CDC14A: variants seen among roughly 807,000 people sequenced by gnomAD.
The protein encoded by CDC14A is dual specificity protein phosphatase CDC14A.
Under a neutral mutation model 74.4 loss-of-function variants are expected in CDC14A, and 53 were observed. The ratio of observed to expected loss-of-function variants is 0.71; its 90% CI spans 0.57 to 0.89. The LOEUF (loss-of-function observed/expected upper bound fraction) is 0.89. CDC14A is among the 40% of genes least tolerant of loss of function. The pLI is 0.00. For missense variants in CDC14A, 646 were observed against 713.7 expected (o/e 0.91, Z 1.08); for synonymous variants, 247 against 258.4 (o/e 0.96, Z 0.43).
chr1:100,464,622 T>G (rs1177605003), intron 9 of CDC14A, among the ~76,000 whole-genome samples: 1 of 152,208 alleles, frequency 6.6e-6, no homozygotes, highest in Admixed American at 6.5e-5. Flanking sequence ...TTTCCTGAGA[T>G]TAATTTGGCC....
At chr1:100,449,715 T>C (rs1342970430) in intron 7 of CDC14A, among the ~76,000 whole-genome samples, 2 of 152,208 alleles carry the variant, frequency 1.3e-5, no homozygotes, top group Non-Finnish European at 2.9e-5. Flanking sequence ...CTTTGTCTTA[T>C]TCTTCTTTGT....
intron 15 of CDC14A, among the ~76,000 whole-genome samples, chr1:100,510,772 T>C (rs1394408613): frequency 6.6e-6 from 1 of 152,206 alleles, no homozygotes; most frequent in African/African-American, 2.4e-5. Flanking sequence ...CCATCTCAAA[T>C]GTGTTTCTAA....
intron 7 of CDC14A, 125 bp from the exon 8 acceptor site, chr1:100,455,278 CTA>C: frequency 1.6e-6 from 1 of 623,468 alleles, no homozygotes; most frequent in South Asian, 2.0e-5. Context: ...TTATTTTAAG[CTA>C]TGTTTGTCTA....
chr1:100,428,988 G>A (rs1424974006), intron 5 of CDC14A, among the ~76,000 whole-genome samples: 1 of 151,928 alleles, frequency 6.6e-6, no homozygotes, highest in Non-Finnish European at 1.5e-5. Flanking sequence ...ATCACTTGAG[G>A]TCAGGAGTTC....
chr1:100,474,040 G>A (rs1668648435), intron 10 of CDC14A, among the ~76,000 whole-genome samples: 1 of 152,112 alleles, frequency 6.6e-6, no homozygotes, highest in Non-Finnish European at 1.5e-5. Flanking sequence ...CTGTGTTTCT[G>A]AGGGTTCTTA....
chr1:100,514,150 G>A (rs1305924902), intron 15 of CDC14A, among the ~76,000 whole-genome samples: 1 of 132,092 alleles, frequency 7.6e-6, no homozygotes, highest in South Asian at 2.9e-4. Context: ...AATAATATTT[G>A]TACTTCAGGT....
chr1:100,420,063 C>CACATAT, intron 4 of CDC14A, among the ~76,000 whole-genome samples: 6,050 of 61,378 alleles, frequency 0.099, 530 homozygotes, highest in South Asian at 0.16. Context: ...CACACACACA[C>CACATAT]ATATATATAT....
chr1:100,353,076 C>T, intron 1 of CDC14A, 73 bp downstream of exon 1: 5 of 1,516,608 alleles, frequency 3.3e-6, no homozygotes, highest in Non-Finnish European at 3.6e-6. Context: ...CCACTGTCCC[C>T]ACCTTCTCCT....
chr1:100,416,146 C>T (rs556776521), intron 4 of CDC14A, among the ~76,000 whole-genome samples: 1 of 152,246 alleles, frequency 6.6e-6, no homozygotes, highest in East Asian at 1.9e-4. Context: ...TTTTGCCTTG[C>T]AGTGCATTTT....
At chr1:100,378,430 A>G (rs1655614066) in intron 3 of CDC14A, among the ~76,000 whole-genome samples, 2 of 152,226 alleles carry the variant, frequency 1.3e-5, no homozygotes, top group African/African-American at 4.8e-5. Flanking sequence ...TATATTGCTC[A>G]GGTATTTTGC....
Position 100,501,846 on chromosome 1 carries a change from G to C in CDC14A, c.1755+2584G>C, listed in dbSNP as rs981972959. Among the ~76,000 whole-genome samples, 70 of 152,108 alleles carry C rather than the reference G, an allele frequency of 4.6e-4. 1 individual carries two copies. The highest frequency in any genetic ancestry group is 4.6e-4 in the Admixed American group (7 of 15,270). On this transcript the variant is annotated intron_variant, in intron 15 of 15. Transcript: ENST00000336454. ...TGACCTGGTGTAGGCCCAGGCTAAT[G>C]TGTGTGTTTGTGTCTTCATTTTAAA...
intron 2 of CDC14A, among the ~76,000 whole-genome samples, chr1:100,354,181 C>G (rs945977476): frequency 6.6e-6 from 1 of 152,176 alleles, no homozygotes; most frequent in Non-Finnish European, 1.5e-5. Flanking sequence ...GCCTGTGAAT[C>G]AGTCACTAAG....
At chr1:100,447,555 C>T (rs1242241850) in intron 7 of CDC14A, among the ~76,000 whole-genome samples, 1 of 152,148 alleles carries the variant, frequency 6.6e-6, no homozygotes, top group Admixed American at 6.5e-5. Flanking sequence ...GAATATGTAC[C>T]TTGAGAACCT....
intron 13 of CDC14A, among the ~76,000 whole-genome samples, chr1:100,497,621 AAAGAAGAGGATGGATTTGACATAT>A (rs1403931166): frequency 6.6e-6 from 1 of 152,218 alleles, no homozygotes; most frequent in African/African-American, 2.4e-5. Context: ...TGCAGGGTGA[AAAGAAGAGGATGGATTTGACATAT>A]AAGAAGTGGA....
intron 7 of CDC14A, among the ~76,000 whole-genome samples, chr1:100,444,647 C>T (rs1265791576): frequency 6.6e-6 from 1 of 152,196 alleles, no homozygotes; most frequent in Non-Finnish European, 1.5e-5. Flanking sequence ...TCCCGCTCCT[C>T]CATTTCGTTT....
At chr1:100,494,260 A>G (rs1018371692) in intron 11 of CDC14A, among the ~76,000 whole-genome samples, 2 of 152,198 alleles carry the variant, frequency 1.3e-5, no homozygotes, top group Non-Finnish European at 2.9e-5. Context: ...CTATTTTTCA[A>G]ACTTTAAAGA....
Position 100,442,885 on chromosome 1 carries a change from AGAGTTT to A in CDC14A, c.457-48_457-43del, listed in dbSNP as rs1557764718. On this transcript the variant is annotated intron_variant, in intron 6 of 15. Transcript: ENST00000336454. ...AGTAGGAGTTCCAGAAATGATGAGT[AGAGTTT>A]ATCAATTTAGCATGGAAAAACTAAT... 5.9e-6 allele frequency: 7 copies of A among 1,185,438 alleles called. No homozygotes were observed. In the South Asian group the frequency reaches 8.5e-5, roughly 14 times the overall value. The allele number at this position is 1,185,438 out of a possible 1,614,324, so 73.4% of individuals were successfully genotyped here. A position where few individuals can be genotyped will look rare whatever the true frequency, so the allele number is the denominator to read the frequency against.
At chr1:100,424,400 A>G (rs1662709382) in intron 5 of CDC14A, 99 bp downstream of exon 5, 1 of 804,372 alleles carries the variant, frequency 1.2e-6, no homozygotes, top group Admixed American at 1.9e-5. Context: ...GATAATAACC[A>G]TTATGTTATA....
intron 4 of CDC14A, among the ~76,000 whole-genome samples, chr1:100,403,188 C>T (rs897012891): frequency 5.3e-5 from 8 of 152,120 alleles, no homozygotes; most frequent in Non-Finnish European, 1.5e-5. Context: ...TACATTGCAG[C>T]CTAGTACACA....
Sources: gnomAD v4.1 joint callset for allele counts (sites outside exome capture counted in the v4.1 genomes callset) on GRCh38, gnomAD v4.1.1 for gene constraint, MANE v1.5 for transcripts, NCBI Gene and HGNC (gene_info 2026-07-23, HGNC 2026-07-21) for gene names.